The following GABBR2 variants were observed in gnomAD, a reference collection of about 807,000 sequenced individuals.
GABBR2 encodes the protein G-protein coupled receptor 51.
Under a neutral mutation model 105.6 loss-of-function variants are expected in GABBR2, and 23 were observed. That is an observed-to-expected ratio of 0.22 (90% CI 0.16 to 0.31). The LOEUF is 0.31. Ranked by LOEUF, GABBR2 falls within the 10% of genes least tolerant of loss-of-function variation. The probability of loss-of-function intolerance (pLI) is 1.00; values close to 1 mark genes in which losing one functional copy is unlikely to be tolerated. For missense variants in GABBR2, 734 were observed against 1,245.5 expected (o/e 0.59, Z 6.18); for synonymous variants, 478 against 499.7 (o/e 0.96, Z 0.58).
rs574771107 is a variant in GABBR2, at chr9:98,492,349, TAAAAAAAAAAAA to T, written c.732+4052_732+4063del. Among the ~76,000 whole-genome samples, 25 of 29,222 alleles carry T rather than the reference TAAAAAAAAAAAA, an allele frequency of 8.6e-4. 3 individuals carry two copies. The highest frequency in any genetic ancestry group is 3.4e-3 in the South Asian group (1 of 290). The allele number at this position is 29,222 out of a possible 152,430, so 19.2% of individuals were successfully genotyped here. On this transcript the variant is annotated intron_variant, in intron 4 of 18. Coordinates refer to ENST00000259455, the MANE Select transcript of GABBR2 (RefSeq NM_005458.8). ...GAGCCCGCTTAAGTTTGTTTCCTAG[TAAAAAAAAAAAA>T]AAAAAAAAAAAAAAAATTCTTATTT...
chr9:98,379,378 C>T (rs1471799062), intron 11 of GABBR2, among the ~76,000 whole-genome samples: 1 of 152,238 alleles, frequency 6.6e-6, no homozygotes. Flanking sequence ...AAGTGATTCT[C>T]CTGCCTCAGC....
chr9:98,517,269 T>C (rs1218968036), intron 3 of GABBR2, among the ~76,000 whole-genome samples: 2 of 152,204 alleles, frequency 1.3e-5, no homozygotes, highest in Non-Finnish European at 2.9e-5. Flanking sequence ...AGGTTCCTTT[T>C]GCAACCTCAT....
At chr9:98,561,689 C>T (rs1449932310) in intron 2 of GABBR2, among the ~76,000 whole-genome samples, 2 of 152,106 alleles carry the variant, frequency 1.3e-5, no homozygotes, top group Non-Finnish European at 2.9e-5. Context: ...TTGAATCCAG[C>T]CTGAGCAACA....
At chr9:98,611,314 T>C (rs1829502559) in intron 1 of GABBR2, among the ~76,000 whole-genome samples, 1 of 149,614 alleles carries the variant, frequency 6.7e-6, no homozygotes, top group South Asian at 2.2e-4. Context: ...TCACAGTCCC[T>C]TGTAGCTGCA....
At position 98,490,033 on chromosome 9, in the gene GABBR2, C is replaced by T. The variant is rs568936556; in HGVS notation, c.732+6380G>A. Among the ~76,000 whole-genome samples the T allele has an allele frequency of 3.9e-5, 6 of 152,286 alleles. No individual in the cohort carries two copies. The South Asian group carries it at 6.2e-4, about 16-fold the overall frequency. On this transcript the variant is annotated intron_variant, in intron 4 of 18. Transcript: ENST00000259455. ...ACTTGAACCCAGGAAGTGGAGGTTGCAGTGAGCCGAGATCGTGCCACCGCA... is the reference window on the plus strand; with the variant it reads ...ACTTGAACCCAGGAAGTGGAGGTTGTAGTGAGCCGAGATCGTGCCACCGCA...
intron 1 of GABBR2, among the ~76,000 whole-genome samples, chr9:98,696,606 C>A (rs1830756524): frequency 1.3e-5 from 2 of 152,168 alleles, no homozygotes; most frequent in East Asian, 3.8e-4. Context: ...TTGGAGTTAT[C>A]TCCCTACACT....
chr9:98,303,530 G>A, intron 15 of GABBR2, 107 bp from the exon 16 acceptor site: 1 of 963,166 alleles, frequency 1.0e-6, no homozygotes, highest in East Asian at 2.4e-5. Flanking sequence ...GGCGATAAGA[G>A]GCCCCAGGAA....
chr9:98,402,113 A>C (rs1373237471), intron 8 of GABBR2, among the ~76,000 whole-genome samples: 2 of 152,200 alleles, frequency 1.3e-5, no homozygotes, highest in Admixed American at 6.5e-5. Context: ...TTTATGTTGC[A>C]TAGAAGCAGT....
At chr9:98,398,303 AAATGTACTC>A (rs916311403) in intron 8 of GABBR2, among the ~76,000 whole-genome samples, 12 of 151,452 alleles carry the variant, frequency 7.9e-5, no homozygotes, top group African/African-American at 2.7e-4. Flanking sequence ...AAGATTCTAT[AAATGTACTC>A]AATTCTAGGA....
chr9:98,647,670 C>T (rs1588267761), intron 1 of GABBR2, among the ~76,000 whole-genome samples: 1 of 152,192 alleles, frequency 6.6e-6, no homozygotes, highest in Non-Finnish European at 1.5e-5. Context: ...ACCTACTTTC[C>T]CTTCCTTGCT....
chr9:98,479,608 G>A (rs373120203), intron 5 of GABBR2, among the ~76,000 whole-genome samples: 6 of 152,332 alleles, frequency 3.9e-5, no homozygotes, highest in African/African-American at 1.4e-4. Flanking sequence ...CGTGACCACG[G>A]CTTGCAGCCA....
intron 4 of GABBR2, among the ~76,000 whole-genome samples, chr9:98,486,361 A>G (rs1363134132): frequency 6.6e-6 from 1 of 152,208 alleles, no homozygotes; most frequent in Non-Finnish European, 1.5e-5. Flanking sequence ...AAGTGAAAGG[A>G]TATAAATGGC....
At chr9:98,607,430 G>A in intron 1 of GABBR2, 1 of 618,194 alleles carries the variant, frequency 1.6e-6, no homozygotes. Flanking sequence ...TCACACCAGA[G>A]GAATGCTAAC....
chr9:98,366,221 G>T (rs540244217), intron 12 of GABBR2, among the ~76,000 whole-genome samples: 2 of 152,042 alleles, frequency 1.3e-5, no homozygotes, highest in African/African-American at 4.8e-5. Flanking sequence ...CAGATCCAGC[G>T]ATTTTTACTA....
intron 3 of GABBR2, among the ~76,000 whole-genome samples, chr9:98,516,802 G>A (rs1410976252): frequency 6.6e-6 from 1 of 152,094 alleles, no homozygotes; most frequent in Admixed American, 6.5e-5. Context: ...ACCACCCTTG[G>A]GCTCAGAGTT....
At chr9:98,307,959 C>CA in intron 14 of GABBR2, among the ~76,000 whole-genome samples, 1 of 152,186 alleles carries the variant, frequency 6.6e-6, no homozygotes, top group East Asian at 1.9e-4. Flanking sequence ...CCAGGCTAGG[C>CA]ATGGTGGCTC....
At chr9:98,515,206 G>C (rs749756852) in intron 3 of GABBR2, among the ~76,000 whole-genome samples, 8 of 152,182 alleles carry the variant, frequency 5.3e-5, no homozygotes, top group African/African-American at 1.2e-4. Flanking sequence ...GCATCTCCAA[G>C]GAACGTCTCA....
rs1830232543 is a variant in GABBR2, at chr9:98,288,406, A to C, written c.*2178T>G. 1 of 152,642 alleles carries C rather than the reference A, an allele frequency of 6.6e-6. No individual in the cohort carries two copies. The highest frequency in any genetic ancestry group is 2.4e-5 in the African/African-American group (1 of 41,446). The allele number at this position is 152,642 out of a possible 1,614,324, so 9.5% of individuals were successfully genotyped here. A position where few individuals can be genotyped will look rare whatever the true frequency, so the allele number is the denominator to read the frequency against. On this transcript the variant is annotated 3_prime_UTR_variant, in exon 19 of 19. Coordinates refer to ENST00000259455, the MANE Select transcript of GABBR2 (RefSeq NM_005458.8). Reference sequence around the variant, plus strand: ...ACAGTATCAGTAAGACAGAGAATGTACTTCGTGAGTTAACCTAGAAGACAG... The same window carrying C: ...ACAGTATCAGTAAGACAGAGAATGTCCTTCGTGAGTTAACCTAGAAGACAG...
intron 12 of GABBR2, 40 bp downstream of exon 12, chr9:98,371,424 G>A (rs1483053108): frequency 5.7e-6 from 6 of 1,047,064 alleles, no homozygotes; most frequent in South Asian, 1.3e-5. Context: ...AATGCTGGGT[G>A]AACACTACTA....
Sources: gnomAD v4.1 joint callset for allele counts (sites outside exome capture counted in the v4.1 genomes callset) on GRCh38, gnomAD v4.1.1 for gene constraint, MANE v1.5 for transcripts, NCBI Gene and HGNC (gene_info 2026-07-23, HGNC 2026-07-21) for gene names.